The following ZNF567 variants were observed in gnomAD, a reference collection of about 807,000 sequenced individuals.
ZNF567 encodes zinc finger protein 567.
A neutral mutation model predicts 53.9 loss-of-function variants in ZNF567; 36 were observed. The ratio of observed to expected loss-of-function variants is 0.67; its 90% CI spans 0.51 to 0.88. The LOEUF (loss-of-function observed/expected upper bound fraction) is 0.88. Among genes scored for constraint, ZNF567 ranks in the 40% least tolerant of loss-of-function variants. ZNF567 has a pLI of 0.00. For missense variants in ZNF567, 619 were observed against 764.7 expected, an observed-to-expected ratio of 0.81 and a Z score of 2.25; for synonymous variants, 224 against 260.4, an observed-to-expected ratio of 0.86 and a Z score of 1.35.
the ZNF567 span, among the ~76,000 whole-genome samples, chr19:36,673,113 T>C: frequency 2.6e-5 from 4 of 152,224 alleles, no homozygotes; most frequent in African/African-American, 9.6e-5. Flanking sequence ...TTTTAAGTTA[T>C]GGGATATCAG....
At chr19:36,688,723 C>A (rs1473463985) in intron 1 of ZNF567, among the ~76,000 whole-genome samples, 2 of 148,950 alleles carry the variant, frequency 1.3e-5, no homozygotes, top group Admixed American at 1.4e-4. Flanking sequence ...AGGAGAATGG[C>A]GTGAACCCGG....
the ZNF567 span, among the ~76,000 whole-genome samples, chr19:36,667,805 T>A: frequency 3.3e-5 from 5 of 151,170 alleles, no homozygotes; most frequent in East Asian, 2.0e-4. Flanking sequence ...GCCCGCCACC[T>A]CGCCCGGCTA....
At chr19:36,679,968 G>A in the ZNF567 span, among the ~76,000 whole-genome samples, 1 of 152,158 alleles carries the variant, frequency 6.6e-6, no homozygotes, top group Admixed American at 6.5e-5. Context: ...ATAGCTAAAA[G>A]ATAGGATTTT....
At chr19:36,708,342 G>A (rs3108572) in intron 3 of ZNF567, among the ~76,000 whole-genome samples, 102,121 of 151,912 alleles carry the variant, frequency 0.67, 34,640 homozygotes, top group East Asian at 0.82. Context: ...GTTATGTTAC[G>A]TTAAAGAATT....
chr19:36,678,975 A>G, the ZNF567 span, among the ~76,000 whole-genome samples: 1 of 151,572 alleles, frequency 6.6e-6, no homozygotes, highest in Non-Finnish European at 1.5e-5. Context: ...TCTAATCATC[A>G]GATAAATGCA....
chr19:36,709,333 C>A (rs905143068), intron 3 of ZNF567, among the ~76,000 whole-genome samples: 1 of 152,164 alleles, frequency 6.6e-6, no homozygotes, highest in Admixed American at 6.5e-5. Context: ...TAGCAGAAGA[C>A]ATTCCCTGAC....
At position 36,714,460 on chromosome 19, in the gene ZNF567, C is replaced by T. The variant is rs79905586; in HGVS notation, c.223+1593C>T. 4.2e-3 allele frequency: 1,688 copies of T among 398,476 alleles called. 43 individuals carry two copies. In the Admixed American group the frequency reaches 0.043, roughly 10 times the overall value. The allele number at this position is 398,476 out of a possible 1,614,324, so 24.7% of individuals were successfully genotyped here. On this transcript the variant is annotated intron_variant, in intron 5 of 5. Coordinates refer to ENST00000682579, the MANE Select transcript of ZNF567 (RefSeq NM_001322917.1). ...TACAGGCTTGAGCCACTGCACCTGG[C>T]ACCATTGTAATAGATTTCTTTCAGG...
Position 36,720,651 on chromosome 19 carries a change from A to T in ZNF567, c.1927A>T (p.Asn643Tyr). The T allele has an allele frequency of 6.5e-7, 1 of 1,541,192 alleles. No individual in the cohort carries two copies. ...IVHQRTHKGE[N>Y]IEMQ ...CCATCAAAGAACTCACAAGGGAGAA[A>T]ACATTGAAATGCAATAAATGATGTG... Residue 643 changes from asparagine (N) to tyrosine (Y), a missense_variant, in exon 6 of 6, where the codon AAC becomes TAC. By Grantham distance (143) the Asn-to-Tyr change is moderately radical (BLOSUM62 -2). Coordinates refer to ENST00000682579, the MANE Select transcript of ZNF567 (RefSeq NM_001322917.1).
chr19:36,703,976 A>C (rs931303774), intron 3 of ZNF567, among the ~76,000 whole-genome samples: 1 of 152,198 alleles, frequency 6.6e-6, no homozygotes, highest in Non-Finnish European at 1.5e-5. Context: ...TAGTGAGATG[A>C]ACCCGGTACC....
intron 2 of ZNF567, among the ~76,000 whole-genome samples, chr19:36,693,527 C>G (rs1439239898): frequency 1.3e-5 from 2 of 152,108 alleles, no homozygotes; most frequent in Non-Finnish European, 2.9e-5. Flanking sequence ...GTCAAAACTT[C>G]CTTACATTTC....
rs577487911 is a variant in ZNF567 at position 36,709,852 on chromosome 19, A to G, written c.10-2534A>G. Reference sequence around the variant, plus strand: ...TCTTTATGTTGCCTTCATTTTGAATATATAGTTTTGCTGCGTGTAGAATTC... The same window carrying G: ...TCTTTATGTTGCCTTCATTTTGAATGTATAGTTTTGCTGCGTGTAGAATTC... On this transcript the variant is annotated intron_variant, in intron 3 of 5. Transcript: ENST00000682579. 1.2e-4 allele frequency among the ~76,000 whole-genome samples: 18 copies of G among 152,296 alleles called. No individual in the cohort carries two copies. The South Asian group carries it at 3.5e-3, about 30-fold the overall frequency.
chr19:36,715,496 TAATAATAATAATA>T (rs1568711274), intron 5 of ZNF567, among the ~76,000 whole-genome samples: 18 of 47,410 alleles, frequency 3.8e-4, no homozygotes, highest in African/African-American at 6.7e-4. Context: ...ATAATAATAA[TAATAATAATAATA>T]ATTATTATTA....
chr19:36,691,472 A>G (rs1376755918), intron 2 of ZNF567, among the ~76,000 whole-genome samples: 2 of 152,162 alleles, frequency 1.3e-5, no homozygotes, highest in Non-Finnish European at 2.9e-5. Flanking sequence ...GGCCTCCAGG[A>G]TACTTTGTTA....
At chr19:36,676,180 C>T in the ZNF567 span, among the ~76,000 whole-genome samples, 1 of 146,668 alleles carries the variant, frequency 6.8e-6, no homozygotes, top group Non-Finnish European at 1.5e-5. Flanking sequence ...ATTATCCTGC[C>T]TCAGCCTCCC....
chr19:36,676,713 C>G, the ZNF567 span, among the ~76,000 whole-genome samples: 1 of 152,298 alleles, frequency 6.6e-6, no homozygotes, highest in Middle Eastern at 3.4e-3. Flanking sequence ...GATGTGATGT[C>G]AGAGCCTAGT....
rs374899379 is a variant in ZNF567, at chr19:36,706,669, G to GTT, written c.10-5707_10-5706dup. On this transcript the variant is annotated intron_variant, in intron 3 of 5. Coordinates refer to ENST00000682579, the MANE Select transcript of ZNF567 (RefSeq NM_001322917.1). ...CTGATTTCCATCCTTTTTACTGTTG[G>GTT]TTTTTTTTTTTGTTTTTTTTTTGAG... Among the ~76,000 whole-genome samples, 697 of 108,852 alleles carry GTT rather than the reference G, an allele frequency of 6.4e-3. 39 individuals are homozygous for GTT. Among genetic ancestry groups the GTT allele is most frequent in the East Asian group, 0.014 (50 of 3,476 alleles). 71.4% of individuals were successfully genotyped at this position (108,852 alleles called of 152,430 possible). A position where few individuals can be genotyped will look rare whatever the true frequency, so the allele number is the denominator to read the frequency against.
rs1380230161 is a variant in ZNF567, at chr19:36,719,124, T to C, written c.400T>C (p.Tyr134His). The C allele has an allele frequency of 2.5e-6, 4 of 1,611,956 alleles. No homozygotes were observed. The South Asian group carries it at 4.4e-5, about 18-fold the overall frequency. ...PVNSKNLPPE[Y>H]DTHGRILKNV... is the part of the protein sequence containing the mutation. ...GAATTCAAAAAATCTACCTCCTGAA[T>C]ATGATACTCATGGAAGGATTTTGAA... is the stretch of plus-strand genomic sequence containing the variant. The change falls in exon 6 of 6, where the codon TAT becomes CAT. Residue 134 changes from tyrosine (Y) to histidine (H), a missense_variant. Transcript: ENST00000682579.
chr19:36,717,246 C>G (rs1019519401), intron 5 of ZNF567, among the ~76,000 whole-genome samples: 1 of 152,072 alleles, frequency 6.6e-6, no homozygotes, highest in Non-Finnish European at 1.5e-5. Flanking sequence ...GATTTGTTAA[C>G]AGAGTTTTCC....
intron 3 of ZNF567, among the ~76,000 whole-genome samples, chr19:36,699,325 C>T (rs1395387456): frequency 6.6e-6 from 1 of 152,122 alleles, no homozygotes; most frequent in East Asian, 1.9e-4. Flanking sequence ...GTTACTGTAA[C>T]CTTGTAGTAT....
Sources: gnomAD v4.1 joint callset for allele counts (sites outside exome capture counted in the v4.1 genomes callset) on GRCh38, gnomAD v4.1.1 for gene constraint, MANE v1.5 for transcripts, NCBI Gene and HGNC (gene_info 2026-07-23, HGNC 2026-07-21) for gene names.